The following IWS1 variants were observed in gnomAD, a reference collection of about 807,000 sequenced individuals.
IWS1 encodes protein IWS1 homolog.
A neutral mutation model predicts 86.7 loss-of-function variants in IWS1; 27 were observed. The observed-to-expected ratio is 0.31, with a 90% CI of 0.23 to 0.43. IWS1 has a LOEUF of 0.43. Among genes scored for constraint, IWS1 ranks in the 20% least tolerant of loss-of-function variants. The probability of loss-of-function intolerance (pLI) is 1.00; values close to 1 mark genes in which losing one functional copy is unlikely to be tolerated. For missense variants in IWS1, 827 were observed against 1,000.8 expected (o/e 0.83, Z 2.34); for synonymous variants, 313 against 335.1 (o/e 0.93, Z 0.72).
intron 2 of IWS1, chr2:127,511,428 T>C (rs1395301924): frequency 6.6e-6 from 1 of 152,250 alleles, no homozygotes; most frequent in African/African-American, 2.4e-5. Context: ...ATAAATGTTA[T>C]GCACCATCAG....
chr2:127,487,466 G>A (rs1689986770), intron 12 of IWS1, among the ~76,000 whole-genome samples: 1 of 152,214 alleles, frequency 6.6e-6, no homozygotes, highest in Admixed American at 6.5e-5. Context: ...TAGGTAACTA[G>A]TAAAGAGTGG....
At chr2:127,518,016 A>G (rs1314331059) in intron 2 of IWS1, among the ~76,000 whole-genome samples, 2 of 152,194 alleles carry the variant, frequency 1.3e-5, no homozygotes, top group Non-Finnish European at 2.9e-5. Context: ...AAGGACTTCT[A>G]TGAGACAGAA....
rs557365864 is a variant in IWS1, at chr2:127,523,234, T to C, written c.150+442A>G. Among the ~76,000 whole-genome samples the C allele has an allele frequency of 2.9e-4, 44 of 152,194 alleles. No individual in the cohort carries two copies. The East Asian group carries it at 8.1e-3, about 28-fold the overall frequency. ...CAAAAAAAAAAGCATTATTATTACA[T>C]ACATTATATACACCGTAACAGTTCA... On this transcript the variant is annotated intron_variant, in intron 2 of 13. Transcript: ENST00000295321.
rs1436898929 is a variant in IWS1 at position 127,522,783 on chromosome 2, T to C, written c.150+893A>G. On this transcript the variant is annotated intron_variant, in intron 2 of 13. Coordinates refer to ENST00000295321, the MANE Select transcript of IWS1 (RefSeq NM_017969.3). ...CTTATTGAAAAATTTCCCAATTTTA[T>C]CTTGTTAACATGATGTATAAACAGA... Among the ~76,000 whole-genome samples, 3 of 152,268 alleles carry C rather than the reference T, an allele frequency of 2.0e-5. No individual in the cohort carries two copies. In the East Asian group the frequency reaches 5.8e-4, roughly 29 times the overall value.
chr2:127,508,542 A>T (rs545644794), intron 2 of IWS1, among the ~76,000 whole-genome samples: 4 of 152,336 alleles, frequency 2.6e-5, no homozygotes, highest in African/African-American at 9.6e-5. Context: ...CACCATTTCT[A>T]TGTGTGACTT....
At chr2:127,486,497 G>A (rs1689938546) in intron 13 of IWS1, 56 bp downstream of exon 13, 1 of 1,187,692 alleles carries the variant, frequency 8.4e-7, no homozygotes, top group Non-Finnish European at 1.3e-6. Flanking sequence ...ATGAAGTAAA[G>A]AGTCAAACAG....
intron 5 of IWS1, among the ~76,000 whole-genome samples, chr2:127,502,423 T>C (rs748983734): frequency 2.0e-5 from 3 of 152,228 alleles, no homozygotes; most frequent in Non-Finnish European, 4.4e-5. Flanking sequence ...CTTTGCTACT[T>C]TGTTCCTAGA....
intron 12 of IWS1, 123 bp from the exon 13 acceptor site, chr2:127,486,787 T>A: frequency 1.4e-6 from 1 of 738,654 alleles, no homozygotes; most frequent in Non-Finnish European, 2.3e-6. Flanking sequence ...ACTCCTCTAC[T>A]CCCCACCAAA....
rs570035590 is a variant in IWS1, at chr2:127,505,512, T to C, written c.391A>G (p.Ser131Gly). The C allele has an allele frequency of 7.9e-5, 127 of 1,613,990 alleles. No homozygotes were observed. The highest frequency in any genetic ancestry group is 1.0e-4 in the Non-Finnish European group (121 of 1,179,968). Residue 131 changes from serine to glycine, a missense_variant, in exon 3 of 14, where the codon AGT becomes GGT. Physicochemically the swap from Ser to Gly is moderately conservative, Grantham distance 56. Coordinates refer to ENST00000295321, the MANE Select transcript of IWS1 (RefSeq NM_017969.3). This position sits in a 1 kb window ranked among gnomAD's most constrained non-coding sequence, Gnocchi z 5.0. ...ESEETRKLPG[S>G]DSENEELLNG... ...AGAAGTTCCTCATTTTCAGAGTCAC[T>C]ACCAGGTAATTTCCTGGTCTCTTCA...
At chr2:127,495,642 C>T (rs763446090) in intron 7 of IWS1, among the ~76,000 whole-genome samples, 40 of 152,086 alleles carry the variant, frequency 2.6e-4, no homozygotes, top group Non-Finnish European at 4.6e-4. Flanking sequence ...TGAAAGAAGC[C>T]GTGTCTTGAT....
At chr2:127,493,675 T>C (rs867849106) in intron 8 of IWS1, among the ~76,000 whole-genome samples, 1 of 151,648 alleles carries the variant, frequency 6.6e-6, no homozygotes, top group African/African-American at 2.4e-5. Flanking sequence ...CTGATATGAA[T>C]GGTACAGACA....
intron 13 of IWS1, among the ~76,000 whole-genome samples, chr2:127,485,274 A>G (rs1291061857): frequency 6.6e-6 from 1 of 152,218 alleles, no homozygotes. Context: ...AGCAGGGGTC[A>G]TGGAGAAGAA....
intron 2 of IWS1, among the ~76,000 whole-genome samples, chr2:127,507,583 C>T (rs755716692): frequency 3.3e-5 from 5 of 152,094 alleles, no homozygotes; most frequent in Non-Finnish European, 1.5e-5. Flanking sequence ...TTACAATTAC[C>T]GTACAATAGT....
chr2:127,523,624 T>C (rs1692230353), intron 2 of IWS1, 52 bp downstream of exon 2: 1 of 1,137,894 alleles, frequency 8.8e-7, no homozygotes, highest in East Asian at 2.3e-5. Flanking sequence ...ATATAACAGA[T>C]CTCACAGAAC....
At chr2:127,502,947 G>T (rs1690897539) in intron 4 of IWS1, 75 bp from the exon 5 acceptor site, 1 of 837,262 alleles carries the variant, frequency 1.2e-6, no homozygotes, top group Non-Finnish European at 2.0e-6. Flanking sequence ...TTAAAAAATA[G>T]AATTTATGTA....
intron 2 of IWS1, among the ~76,000 whole-genome samples, chr2:127,522,703 G>A (rs982793210): frequency 3.3e-5 from 5 of 152,166 alleles, no homozygotes; most frequent in Non-Finnish European, 7.3e-5. Flanking sequence ...TTAAATCTTT[G>A]CATCTTTATC....
At chr2:127,521,214 T>C (rs1254405216) in intron 2 of IWS1, among the ~76,000 whole-genome samples, 2 of 152,224 alleles carry the variant, frequency 1.3e-5, no homozygotes, top group Admixed American at 6.5e-5. Context: ...ATCATGCCAC[T>C]GCACTCCAGC....
intron 2 of IWS1, among the ~76,000 whole-genome samples, chr2:127,523,348 A>T (rs1692211507): frequency 6.6e-6 from 1 of 152,192 alleles, no homozygotes; most frequent in Non-Finnish European, 1.5e-5. Flanking sequence ...CAGATTGCAA[A>T]TGCTCAATGC....
At position 127,502,924 on chromosome 2, in the gene IWS1, T is replaced by C. The variant is rs748469709; in HGVS notation, c.1410-52A>G. On this transcript the variant is annotated intron_variant, in intron 4 of 13. Transcript: ENST00000295321. ...TTCATTTGCTTTATCCTCATTTGCA[T>C]AGGAACCATTTTTTAAAAAATAGAA... 1.2e-5 allele frequency: 12 copies of C among 1,006,172 alleles called. No homozygotes were observed. In the East Asian group the frequency reaches 1.9e-4, roughly 16 times the overall value. The allele number at this position is 1,006,172 out of a possible 1,614,324, so 62.3% of individuals were successfully genotyped here. A position where few individuals can be genotyped will look rare whatever the true frequency, so the allele number is the denominator to read the frequency against.
Sources: allele counts gnomAD v4.1 joint callset (sites outside exome capture counted in the v4.1 genomes callset), GRCh38; gene constraint gnomAD v4.1.1; non-coding constraint Gnocchi (gnomAD v3.1); transcripts MANE v1.5; gene names NCBI Gene and HGNC (gene_info 2026-07-23, HGNC 2026-07-21).